DPF3: variants seen among roughly 807,000 people sequenced by gnomAD.
The protein encoded by DPF3 is double PHD fingers 3.
DPF3 carries 18 observed loss-of-function variants against 56.8 expected under a neutral mutation model. The ratio of observed to expected loss-of-function variants is 0.32; its 90% CI spans 0.22 to 0.47. The LOEUF (loss-of-function observed/expected upper bound fraction) is 0.47. Ranked by LOEUF, DPF3 falls within the 20% of genes least tolerant of loss-of-function variation. The pLI, the probability that DPF3 is intolerant of heterozygous loss-of-function variation, is 1.00. For synonymous variants in DPF3, 188 were observed against 180.2 expected, an observed-to-expected ratio of 1.04 and a Z score of -0.35; for missense variants, 403 against 488.8, an observed-to-expected ratio of 0.82 and a Z score of 1.65.
chr14:72,862,606 C>A (rs958520636), intron 1 of DPF3, among the ~76,000 whole-genome samples: 1 of 152,128 alleles, frequency 6.6e-6, no homozygotes, highest in Non-Finnish European at 1.5e-5. Flanking sequence ...ATTCCTCCCA[C>A]TCCCTCTCAC....
At chr14:72,800,649 CATGGATGG>C (rs1323944383) in intron 1 of DPF3, among the ~76,000 whole-genome samples, 1 of 147,046 alleles carries the variant, frequency 6.8e-6, no homozygotes, top group African/African-American at 2.5e-5. Flanking sequence ...CAGATGGATG[CATGGATGG>C]ATGCATGGAT....
chr14:72,886,837 T>C (rs1886565951), intron 1 of DPF3, among the ~76,000 whole-genome samples: 1 of 151,968 alleles, frequency 6.6e-6, no homozygotes, highest in Non-Finnish European at 1.5e-5. Flanking sequence ...AGGGGAGGCA[T>C]GAAGTCCAGT....
chr14:72,861,735 A>AAGAGAAAGAAAGAG (rs1567261059), intron 1 of DPF3, among the ~76,000 whole-genome samples: 6 of 45,648 alleles, frequency 1.3e-4, no homozygotes, highest in Non-Finnish European at 2.2e-4. Flanking sequence ...GAAAGAAAGA[A>AAGAGAAAGAAAGAG]AGAGAAAGAA....
At chr14:72,629,145 A>C (rs1230641792) in intron 9 of DPF3, among the ~76,000 whole-genome samples, 1 of 152,228 alleles carries the variant, frequency 6.6e-6, no homozygotes, top group East Asian at 1.9e-4. Context: ...GTATAAAAGT[A>C]AGTCCTTATC....
chr14:72,836,773 A>G (rs1273887188), intron 1 of DPF3, among the ~76,000 whole-genome samples: 1 of 152,082 alleles, frequency 6.6e-6, no homozygotes, highest in Non-Finnish European at 1.5e-5. Context: ...TTTAAGCAGA[A>G]CCAAACAGAA....
intron 1 of DPF3, among the ~76,000 whole-genome samples, chr14:72,860,713 G>A (rs183783609): frequency 3.3e-5 from 5 of 152,060 alleles, no homozygotes; most frequent in Non-Finnish European, 1.5e-5. Context: ...TTACAGGCGT[G>A]CACCACCATG....
chr14:72,779,581 C>G (rs1891887192), intron 1 of DPF3, among the ~76,000 whole-genome samples: 1 of 152,218 alleles, frequency 6.6e-6, no homozygotes, highest in Non-Finnish European at 1.5e-5. Flanking sequence ...CTCTTAATAG[C>G]TACACAACCC....
At chr14:72,634,951 C>A (rs555034694) in intron 8 of DPF3, among the ~76,000 whole-genome samples, 1 of 152,264 alleles carries the variant, frequency 6.6e-6, no homozygotes, top group African/African-American at 2.4e-5. Flanking sequence ...CATTAAAAAC[C>A]TAGTCCTTCC....
intron 2 of DPF3, among the ~76,000 whole-genome samples, chr14:72,763,649 AAG>A (rs1393604236): frequency 6.6e-6 from 1 of 152,214 alleles, no homozygotes; most frequent in African/African-American, 2.4e-5. Flanking sequence ...AAAAAAAAAT[AAG>A]AGAAACCCTG....
chr14:72,715,848 C>T (rs529343552), intron 5 of DPF3, among the ~76,000 whole-genome samples: 2 of 151,330 alleles, frequency 1.3e-5, no homozygotes, highest in African/African-American at 4.9e-5. Flanking sequence ...CCTCCCCACC[C>T]CACCCCTGCA....
chr14:72,886,673 C>T (rs1436855759), intron 1 of DPF3, among the ~76,000 whole-genome samples: 2 of 152,110 alleles, frequency 1.3e-5, no homozygotes, highest in Non-Finnish European at 2.9e-5. Flanking sequence ...AGAATTTACA[C>T]ACCAGCTCCT....
At chr14:72,870,261 C>T (rs1293975088) in intron 1 of DPF3, among the ~76,000 whole-genome samples, 1 of 152,202 alleles carries the variant, frequency 6.6e-6, no homozygotes, top group African/African-American at 2.4e-5. Context: ...GTCAGGCCAA[C>T]TTGGAGGACA....
intron 1 of DPF3, among the ~76,000 whole-genome samples, chr14:72,812,903 C>T (rs373196217): frequency 1.3e-5 from 2 of 152,224 alleles, no homozygotes; most frequent in African/African-American, 2.4e-5. Context: ...GATACAGGCA[C>T]TGGCGAAGAA....
chr14:72,892,200 C>T (rs1379741318), intron 1 of DPF3: 35 of 1,535,326 alleles, frequency 2.3e-5, no homozygotes, highest in Non-Finnish European at 2.8e-5. Flanking sequence ...GTGGCATCAG[C>T]CCGGTTATGT....
intron 3 of DPF3, among the ~76,000 whole-genome samples, chr14:72,743,523 C>T (rs1004280361): frequency 6.6e-6 from 1 of 150,980 alleles, no homozygotes; most frequent in Non-Finnish European, 1.5e-5. Context: ...CTAAATTGAT[C>T]TAAGCAGACT....
rs369656929 is a variant in DPF3, at chr14:72,821,908, T to C, written c.33-50015A>G. ...CTGTAGTCCTAGCTACTCAGAAGGC[T>C]AAAGTCAGAGGATCACTTGAGCCCA... On this transcript the variant is annotated intron_variant, in intron 1 of 10. Coordinates refer to ENST00000556509, the MANE Select transcript of DPF3 (RefSeq NM_001280542.3). Among the ~76,000 whole-genome samples, 3 of 151,888 alleles carry C rather than the reference T, an allele frequency of 2.0e-5. No individual in the cohort carries two copies. In the East Asian group the frequency reaches 5.8e-4, roughly 29 times the overall value.
At chr14:72,749,297 G>A (rs1166777746) in intron 3 of DPF3, among the ~76,000 whole-genome samples, 2 of 152,224 alleles carry the variant, frequency 1.3e-5, no homozygotes. Flanking sequence ...CTTGCATGGG[G>A]CCTGTAGCCC....
At chr14:72,691,221 A>G (rs1275458288) in intron 7 of DPF3, among the ~76,000 whole-genome samples, 2 of 152,160 alleles carry the variant, frequency 1.3e-5, no homozygotes, top group Non-Finnish European at 2.9e-5. Context: ...AAAGGCTTGC[A>G]CCTTGGAAGT....
rs1325397315 is a variant in DPF3 at position 72,609,832 on chromosome 14, C to T, written c.*9465G>A. ...ACACACAGCTTCCCAAATCTGTAGC[C>T]CTTTTCTGTAACCTCATGAAAGCTG... On this transcript the variant is annotated 3_prime_UTR_variant, in exon 11 of 11. Transcript: ENST00000556509. Among the ~76,000 whole-genome samples, 1 of 152,138 alleles carries T rather than the reference C, an allele frequency of 6.6e-6. No individual in the cohort carries two copies. The highest frequency in any genetic ancestry group is 1.5e-5 in the Non-Finnish European group (1 of 68,036).
Sources: gnomAD v4.1 joint callset for allele counts (sites outside exome capture counted in the v4.1 genomes callset) on GRCh38, gnomAD v4.1.1 for gene constraint, MANE v1.5 for transcripts, NCBI Gene and HGNC (gene_info 2026-07-23, HGNC 2026-07-21) for gene names.